Variants in CBLIF observed in about 807,000 individuals in gnomAD.
The protein encoded by CBLIF is cobalamin binding intrinsic factor.
Under a neutral mutation model 44.9 loss-of-function variants are expected in CBLIF, and 24 were observed. That is an observed-to-expected ratio of 0.53 (90% CI 0.39 to 0.75). The LOEUF (loss-of-function observed/expected upper bound fraction) is 0.75. Ranked by LOEUF, CBLIF falls within the 30% of genes least tolerant of loss-of-function variation. CBLIF has a pLI of 0.00. For synonymous variants in CBLIF, 183 were observed against 190.9 expected, an observed-to-expected ratio of 0.96 and a Z score of 0.34; for missense variants, 481 against 513.0, an observed-to-expected ratio of 0.94 and a Z score of 0.60.
At position 59,834,240 on chromosome 11, in the gene CBLIF, T is replaced by TTTTC. The variant is rs57364350; in HGVS notation, c.1073+1564_1073+1567dup. On this transcript the variant is annotated intron_variant, in intron 7 of 8. Transcript: ENST00000257248. ...CCTTTCTGTTTCTTTCTTTCTTTCT[T>TTTTC]TTTCTTTCTTTCTTTCTTTCTTTCT... Among the ~76,000 whole-genome samples, 156 of 115,178 alleles carry TTTTC rather than the reference T, an allele frequency of 1.4e-3. 3 individuals are homozygous for TTTTC. Among genetic ancestry groups the TTTTC allele is most frequent in the African/African-American group, 2.9e-3 (83 of 28,720 alleles). The allele number at this position is 115,178 out of a possible 152,430, so 75.6% of individuals were successfully genotyped here. A position where few individuals can be genotyped will look rare whatever the true frequency, so the allele number is the denominator to read the frequency against.
intron 1 of CBLIF, among the ~76,000 whole-genome samples, chr11:59,844,538 A>G (rs183141963): frequency 6.9e-4 from 105 of 152,344 alleles, no homozygotes; most frequent in African/African-American, 2.5e-3. Flanking sequence ...GAGGACAATT[A>G]GTTTCTACAT....
chr11:59,838,228 C>A (rs1866479242), intron 5 of CBLIF, among the ~76,000 whole-genome samples: 1 of 152,154 alleles, frequency 6.6e-6, no homozygotes, highest in East Asian at 1.9e-4. Context: ...GAGTAATACA[C>A]CAAGCCATTC....
chr11:59,842,480 G>T lies in CBLIF; in HGVS notation c.474C>A (p.Ala158=). The change falls in exon 4 of 9, where the codon GCC becomes GCA. Residue 158 remains alanine, a synonymous_variant. Coordinates refer to ENST00000257248, the MANE Select transcript of CBLIF (RefSeq NM_005142.3). The part of the protein sequence containing the change: ...EATLPIAVRF[A]KTLLANSSPF... ...GAGAGGAGTTGGCCAGCAGGGTCTT[G>T]GCAAAGCGGACGGCTATCGGCAAGG... The T allele has an allele frequency of 6.2e-7, 1 of 1,613,872 alleles. No homozygotes were observed.
At chr11:59,837,059 C>T (rs1398207618) in intron 6 of CBLIF, 115 bp downstream of exon 6, 1 of 835,894 alleles carries the variant, frequency 1.2e-6, no homozygotes, top group East Asian at 2.5e-5. Context: ...CAGATGTACT[C>T]TGCCCACATG....
chr11:59,837,432 C>G (rs964855385), intron 5 of CBLIF, 81 bp from the exon 6 acceptor site: 12 of 1,006,110 alleles, frequency 1.2e-5, no homozygotes, highest in African/African-American at 3.2e-5. Context: ...AAGAGATAAA[C>G]TTGATCACTA....
intron 5 of CBLIF, among the ~76,000 whole-genome samples, chr11:59,838,189 G>A (rs1014634796): frequency 6.6e-6 from 1 of 152,150 alleles, no homozygotes; most frequent in Non-Finnish European, 1.5e-5. Flanking sequence ...AAAAGGATTT[G>A]GGTTTCTGTT....
At chr11:59,834,585 GT>G (rs1866429118) in intron 7 of CBLIF, among the ~76,000 whole-genome samples, 1 of 151,240 alleles carries the variant, frequency 6.6e-6, no homozygotes, top group South Asian at 2.1e-4. Flanking sequence ...TAGAGATGAG[GT>G]TTCGCCATGT....
chr11:59,841,141 A>G lies in CBLIF; in HGVS notation c.693+2T>C. 1.2e-6 allele frequency: 2 copies of G among 1,609,408 alleles called. No homozygotes were observed. The highest frequency in any genetic ancestry group is 1.7e-6 in the Non-Finnish European group (2 of 1,175,650). ...AACCAAGAGCATCCAGCACGTGTTT[A>G]CCTGCATGGCGAGGCCAGTACTGTA... On this transcript the variant is annotated splice_donor_variant, in intron 5 of 8. Coordinates refer to ENST00000257248, the MANE Select transcript of CBLIF (RefSeq NM_005142.3). LOFTEE classifies it high-confidence loss of function.
At chr11:59,834,896 A>T (rs1432216394) in intron 7 of CBLIF, among the ~76,000 whole-genome samples, 1 of 152,120 alleles carries the variant, frequency 6.6e-6, no homozygotes, top group African/African-American at 2.4e-5. Flanking sequence ...AGTCATCGTC[A>T]CTTCACACCT....
intron 1 of CBLIF, among the ~76,000 whole-genome samples, chr11:59,845,040 T>G (rs1194968006): frequency 2.6e-5 from 4 of 152,064 alleles, no homozygotes; most frequent in African/African-American, 9.7e-5. Context: ...TATTTATTTT[T>G]TTTGTAGAGA....
intron 5 of CBLIF, among the ~76,000 whole-genome samples, chr11:59,839,459 T>C (rs1292965268): frequency 6.6e-6 from 1 of 152,366 alleles, no homozygotes; most frequent in Middle Eastern, 3.4e-3. Flanking sequence ...CTTATTATTA[T>C]GGGGAAAATA....
intron 8 of CBLIF, among the ~76,000 whole-genome samples, chr11:59,830,469 C>T (rs1431658521): frequency 1.3e-5 from 2 of 151,858 alleles, no homozygotes; most frequent in Non-Finnish European, 2.9e-5. Context: ...GATCTCCTGA[C>T]CTCCTGATCC....
chr11:59,839,322 G>C (rs1866494080), intron 5 of CBLIF, among the ~76,000 whole-genome samples: 1 of 152,152 alleles, frequency 6.6e-6, no homozygotes, highest in African/African-American at 2.4e-5. Context: ...GGAAGAAGGT[G>C]AACAAAGGCT....
At chr11:59,840,499 G>T (rs1244205966) in intron 5 of CBLIF, among the ~76,000 whole-genome samples, 1 of 152,190 alleles carries the variant, frequency 6.6e-6, no homozygotes, top group African/African-American at 2.4e-5. Context: ...AACTAGGGTA[G>T]GGTGGGTTGT....
chr11:59,834,307 T>TTCCTTCCTTCCTTC (rs1866421735), intron 7 of CBLIF, among the ~76,000 whole-genome samples: 4 of 47,028 alleles, frequency 8.5e-5, no homozygotes, highest in African/African-American at 3.2e-4. Context: ...TTTCTTTCTT[T>TTCCTTCCTTCCTTC]CTTTCTTCCT....
chr11:59,844,179 C>G, intron 1 of CBLIF, 124 bp from the exon 2 acceptor site: 1 of 812,932 alleles, frequency 1.2e-6, no homozygotes. Context: ...CTCTTGTTGC[C>G]CAGGCTAGAG....
chr11:59,840,778 C>A (rs556248299), intron 5 of CBLIF, among the ~76,000 whole-genome samples: 37 of 151,930 alleles, frequency 2.4e-4, no homozygotes, highest in African/African-American at 8.0e-4. Context: ...TTTTAGAGGG[C>A]CTGCTTTAAT....
intron 2 of CBLIF, among the ~76,000 whole-genome samples, 186 bp from the exon 3 acceptor site, chr11:59,843,327 T>C (rs1866563029): frequency 6.6e-6 from 1 of 152,236 alleles, no homozygotes; most frequent in East Asian, 1.9e-4. Context: ...TTTAATCTAG[T>C]GGCCTCTGTG....
At chr11:59,838,497 G>C (rs1322688866) in intron 5 of CBLIF, among the ~76,000 whole-genome samples, 3 of 152,040 alleles carry the variant, frequency 2.0e-5, no homozygotes. Context: ...AATGGGAGAA[G>C]AGAGAGAGAG....
Sources: gnomAD v4.1 joint callset for allele counts (sites outside exome capture counted in the v4.1 genomes callset) on GRCh38, gnomAD v4.1.1 for gene constraint, MANE v1.5 for transcripts, NCBI Gene and HGNC (gene_info 2026-07-23, HGNC 2026-07-21) for gene names.